The following IGF2BP1 variants were observed in gnomAD, a reference collection of about 807,000 sequenced individuals.
IGF2BP1 encodes the protein insulin like growth factor 2 mRNA binding protein 1, also known as insulin-like growth factor 2 mRNA-binding protein 1.
In IGF2BP1, 11 loss-of-function variants were observed where a neutral mutation model predicts 74.9. The observed-to-expected ratio is 0.15, with a 90% confidence interval of 0.09 to 0.24. The LOEUF (loss-of-function observed/expected upper bound fraction) is 0.24, where lower values mean the gene tolerates loss of function less well. Ranked by LOEUF, IGF2BP1 falls within the 10% of genes least tolerant of loss-of-function variation. The probability of loss-of-function intolerance (pLI) is 1.00; values close to 1 mark genes in which losing one functional copy is unlikely to be tolerated. For synonymous variants in IGF2BP1, 287 were observed against 281.8 expected, an observed-to-expected ratio of 1.02 and a Z score of -0.18; for missense variants, 440 against 757.4, an observed-to-expected ratio of 0.58 and a Z score of 4.92.
intron 5 of IGF2BP1, among the ~76,000 whole-genome samples, chr17:49,037,649 C>T (rs186645446): frequency 3.7e-4 from 57 of 152,326 alleles, no homozygotes; most frequent in Non-Finnish European, 6.2e-4. Context: ...TACATGTATA[C>T]ATTTCAATCT....
chr17:49,009,406 T>C (rs1418909582), intron 2 of IGF2BP1, among the ~76,000 whole-genome samples: 2 of 152,182 alleles, frequency 1.3e-5, no homozygotes, highest in Non-Finnish European at 1.5e-5. Context: ...CCTTGGTATT[T>C]TTTTTAAAAA....
intron 2 of IGF2BP1, among the ~76,000 whole-genome samples, chr17:49,002,400 TAA>T (rs1005603083): frequency 6.6e-6 from 1 of 152,094 alleles, no homozygotes; most frequent in African/African-American, 2.4e-5. Context: ...CAAAACAACC[TAA>T]AAATTGTCTT....
chr17:49,042,231 C>CT lies in IGF2BP1; in HGVS notation c.942-8dup. 1 of 1,614,130 alleles carries CT rather than the reference C, an allele frequency of 6.2e-7. No homozygotes were observed. Among genetic ancestry groups the CT allele is most frequent in the Non-Finnish European group, 8.5e-7 (1 of 1,179,978 alleles). The stretch of plus-strand genomic sequence containing the variant: ...GCCAGTGAAAGGACACAACTCTGCT[C>CT]TTTCTGCCAGGTTGCAAGACCTTAC... On this transcript the variant is annotated splice_polypyrimidine_tract_variant and intron_variant, in intron 8 of 14. Coordinates refer to ENST00000290341, the MANE Select transcript of IGF2BP1 (RefSeq NM_006546.4).
At chr17:49,013,370 C>T (rs967877725) in intron 2 of IGF2BP1, among the ~76,000 whole-genome samples, 2 of 152,276 alleles carry the variant, frequency 1.3e-5, no homozygotes, top group South Asian at 4.1e-4. Flanking sequence ...TCCGTGCCCC[C>T]ACCCTGCTCC....
intron 2 of IGF2BP1, among the ~76,000 whole-genome samples, chr17:49,003,881 G>C (rs1247758659): frequency 6.6e-6 from 1 of 152,000 alleles, no homozygotes; most frequent in Non-Finnish European, 1.5e-5. Context: ...TGTTACCCAC[G>C]GGAGAGGGGT....
chr17:49,000,939 G>GT lies in IGF2BP1; in HGVS notation c.236+1771dup, dbSNP rs1297058946. ...GAGAGGGGGTTTGTGAGAAGACTGG[G>GT]TAAAAAAAAAAAATCTGTCCACACC... is the stretch of plus-strand genomic sequence containing the variant. On this transcript the variant is annotated intron_variant, in intron 2 of 14. Coordinates refer to ENST00000290341, the MANE Select transcript of IGF2BP1 (RefSeq NM_006546.4). Among the ~76,000 whole-genome samples, 17 of 140,474 alleles carry GT rather than the reference G, an allele frequency of 1.2e-4. No homozygotes were observed. In the East Asian group the frequency reaches 1.4e-3, roughly 12 times the overall value. The allele number at this position is 140,474 out of a possible 152,430, so 92.2% of individuals were successfully genotyped here.
chr17:49,000,245 C>T (rs2041471531), intron 2 of IGF2BP1, among the ~76,000 whole-genome samples: 1 of 152,142 alleles, frequency 6.6e-6, no homozygotes, highest in African/African-American at 2.4e-5. Flanking sequence ...AAACTTGGTA[C>T]ATTTCAGGAT....
chr17:49,041,478 G>A lies in IGF2BP1; in HGVS notation c.919G>A (p.Glu307Lys). Residue 307 changes from glutamate (E) to lysine (K), a missense_variant, in exon 8 of 15, where the codon GAG (glutamate) becomes AAG (lysine). Glu to Lys is a moderately conservative substitution (Grantham distance 56, BLOSUM62 1). This residue lies in a region of IGF2BP1 where 184 missense variants were observed against 273.4 expected (regional missense o/e 0.67). Transcript: ENST00000290341. ...CCTGAAGAAGGTAGAGCAAGATACC[G>A]AGACAAAAATCACCATCTCCTCGTA... ...RNLKKVEQDT[E>K]TKITISSLQD... The A allele has an allele frequency of 6.2e-7, 1 of 1,614,068 alleles. No individual in the cohort carries two copies.
intron 5 of IGF2BP1, chr17:49,037,356 T>C: frequency 2.0e-6 from 1 of 506,014 alleles, no homozygotes; most frequent in Non-Finnish European, 3.7e-6. Context: ...CAAAATGGAA[T>C]ACCTGAAGGA....
rs1020170129 is a variant in IGF2BP1, at chr17:49,042,438, G to A, written c.1077+61G>A. 1.9e-6 allele frequency: 3 copies of A among 1,595,956 alleles called. No individual in the cohort carries two copies. In the Admixed American group the frequency reaches 5.0e-5, roughly 27 times the overall value. On this transcript the variant is annotated intron_variant, in intron 9 of 14. Transcript: ENST00000290341. ...CTGAGTCTTAGCAACAGCAGCTTGT[G>A]GGGTGCAGGGTGATGGACATGTGCC...
At chr17:49,009,673 C>T (rs2041592706) in intron 2 of IGF2BP1, among the ~76,000 whole-genome samples, 2 of 151,848 alleles carry the variant, frequency 1.3e-5, no homozygotes, top group South Asian at 4.2e-4. Flanking sequence ...CGTCCCATTG[C>T]ACTCCAGCCT....
Position 49,006,505 on chromosome 17 carries a change from A to G in IGF2BP1, c.236+7336A>G, listed in dbSNP as rs372742072. 7.4e-4 allele frequency among the ~76,000 whole-genome samples: 112 copies of G among 152,278 alleles called. 1 individual carries two copies. In the South Asian group the frequency reaches 0.019, roughly 26 times the overall value. On this transcript the variant is annotated intron_variant, in intron 2 of 14. Transcript: ENST00000290341. The stretch of plus-strand genomic sequence containing the variant: ...TTATTGTTATTATTTTGTTGTAGAT[A>G]TTGACTTCTGTCCCTCCTGCCCTAG...
At chr17:48,999,320 T>C in intron 2 of IGF2BP1, 151 bp downstream of exon 2, 3 of 616,576 alleles carry the variant, frequency 4.9e-6, no homozygotes, top group Non-Finnish European at 8.8e-6. Flanking sequence ...GGAGGGAAGA[T>C]TGGCCAAGAT....
chr17:49,014,240 C>G (rs1441296441), intron 2 of IGF2BP1, among the ~76,000 whole-genome samples: 1 of 145,202 alleles, frequency 6.9e-6, no homozygotes. Flanking sequence ...CTCAGTCTCC[C>G]CCTCAGTCCC....
intron 5 of IGF2BP1, among the ~76,000 whole-genome samples, chr17:49,032,359 G>A (rs2144085611): frequency 6.6e-6 from 1 of 152,002 alleles, no homozygotes; most frequent in Non-Finnish European, 1.5e-5. Flanking sequence ...ATAATGAGGG[G>A]GAACTTCGGG....
chr17:49,043,821 A>G, intron 10 of IGF2BP1, 146 bp from the exon 11 acceptor site: 4 of 1,165,236 alleles, frequency 3.4e-6, no homozygotes, highest in Non-Finnish European at 3.6e-6. Flanking sequence ...AGGAAGAGCT[A>G]AAGAGCTCAC....
intron 6 of IGF2BP1, 29 bp from the exon 7 acceptor site, chr17:49,039,928 C>T (rs770935420): frequency 6.2e-7 from 1 of 1,610,616 alleles, no homozygotes; most frequent in South Asian, 1.1e-5. Flanking sequence ...CTGGGGACAA[C>T]TAACCAGCCT....
rs1029887294 is a variant in IGF2BP1 at position 49,055,431 on chromosome 17, CT to C, written c.*5988del. Reference sequence around the variant, plus strand: ...CCCAGCCAGCTGACTTCAGTCACCCCTGTCCCCCCTCCCCTGCCAATAAGCT... The same window carrying C: ...CCCAGCCAGCTGACTTCAGTCACCCCGTCCCCCCTCCCCTGCCAATAAGCT... On this transcript the variant is annotated 3_prime_UTR_variant, in exon 15 of 15. Transcript: ENST00000290341. 4 of 378,194 alleles carry C rather than the reference CT, an allele frequency of 1.1e-5. No homozygotes were observed. In the East Asian group the frequency reaches 1.1e-4, roughly 11 times the overall value. 23.4% of individuals were successfully genotyped at this position (378,194 alleles called of 1,614,324 possible). A position where few individuals can be genotyped will look rare whatever the true frequency, so the allele number is the denominator to read the frequency against.
intron 2 of IGF2BP1, among the ~76,000 whole-genome samples, chr17:49,022,841 A>T (rs2041809426): frequency 1.3e-5 from 2 of 152,166 alleles, no homozygotes. Context: ...CACACTTCAA[A>T]CTGGGCCCCT....
Sources: gnomAD v4.1 joint callset for allele counts (sites outside exome capture counted in the v4.1 genomes callset) on GRCh38, gnomAD v4.1.1 for gene constraint, gnomAD v4.1.1 regional missense constraint, MANE v1.5 for transcripts, NCBI Gene and HGNC (gene_info 2026-07-23, HGNC 2026-07-21) for gene names.